Variants in PPARGC1A observed in about 807,000 individuals in gnomAD.
The protein encoded by PPARGC1A is peroxisome proliferator-activated receptor gamma coactivator 1-alpha.
PPARGC1A carries 25 observed loss-of-function variants against 88.7 expected under a neutral mutation model. That is an observed-to-expected ratio of 0.28 (90% confidence interval 0.21 to 0.39). The LOEUF (loss-of-function observed/expected upper bound fraction) is 0.39, where lower values mean the gene tolerates loss of function less well. Ranked by LOEUF, PPARGC1A falls within the 10% of genes least tolerant of loss-of-function variation. The pLI is 1.00. For synonymous variants in PPARGC1A, 363 were observed against 355.6 expected, an observed-to-expected ratio of 1.02 and a Z score of -0.24; for missense variants, 880 against 968.7, an observed-to-expected ratio of 0.91 and a Z score of 1.22.
chr4:24,246,599 C>T, the PPARGC1A span, among the ~76,000 whole-genome samples: 3 of 152,162 alleles, frequency 2.0e-5, no homozygotes, highest in Non-Finnish European at 4.4e-5. Flanking sequence ...CTGCGTGACA[C>T]AGCCAGACCC....
At chr4:24,470,115 A>T in the PPARGC1A span, among the ~76,000 whole-genome samples, 2 of 151,864 alleles carry the variant, frequency 1.3e-5, no homozygotes, top group African/African-American at 4.8e-5. The surrounding 1 kb of genome is among the most constrained non-coding windows in gnomAD (Gnocchi z 5.8). Flanking sequence ...GCGCCTGGAA[A>T]CTTGTCCTAA....
chr4:24,247,551 A>G, the PPARGC1A span, among the ~76,000 whole-genome samples: 1 of 152,228 alleles, frequency 6.6e-6, no homozygotes, highest in African/African-American at 2.4e-5. Flanking sequence ...AAAGAGCAGC[A>G]TAATTTACGC....
chr4:24,389,205 T>G, the PPARGC1A span, among the ~76,000 whole-genome samples: 1 of 152,200 alleles, frequency 6.6e-6, no homozygotes, highest in Admixed American at 6.5e-5. Flanking sequence ...GAGGTAGAGT[T>G]GGATCAGTCT....
the PPARGC1A span, among the ~76,000 whole-genome samples, chr4:24,008,346 C>CT: frequency 2.0e-5 from 3 of 152,122 alleles, no homozygotes; most frequent in South Asian, 2.1e-4. Flanking sequence ...TCCTTAGGAG[C>CT]TTTTTTTCCC....
the PPARGC1A span, among the ~76,000 whole-genome samples, chr4:24,128,223 C>T: frequency 6.6e-6 from 1 of 152,134 alleles, no homozygotes; most frequent in African/African-American, 2.4e-5. Flanking sequence ...TTACCACTCA[C>T]CAGCTCTGGG....
At chr4:24,132,505 T>A in the PPARGC1A span, among the ~76,000 whole-genome samples, 6 of 152,140 alleles carry the variant, frequency 3.9e-5, no homozygotes, top group Non-Finnish European at 7.4e-5. Flanking sequence ...CACCATCACA[T>A]TGTTTAGTCA....
the PPARGC1A span, among the ~76,000 whole-genome samples, chr4:24,085,820 A>G: frequency 1.3e-5 from 2 of 152,116 alleles, no homozygotes; most frequent in African/African-American, 4.8e-5. Context: ...ACATAATCCT[A>G]TAAGCTCTGG....
chr4:23,994,348 G>A, the PPARGC1A span, among the ~76,000 whole-genome samples: 1 of 152,156 alleles, frequency 6.6e-6, no homozygotes, highest in East Asian at 1.9e-4. Context: ...GTATCAGTAA[G>A]AAGGAACTAC....
At chr4:23,820,342 A>T (rs1722784747) in intron 7 of PPARGC1A, 1 of 153,416 alleles carries the variant, frequency 6.5e-6, no homozygotes, top group Non-Finnish European at 1.5e-5. Context: ...TCAGTTATAA[A>T]ATAGTTCTAC....
chr4:23,988,734 T>C, the PPARGC1A span, among the ~76,000 whole-genome samples: 1 of 151,228 alleles, frequency 6.6e-6, no homozygotes, highest in African/African-American at 2.4e-5. Flanking sequence ...GTTTATGTGT[T>C]TATATTTGTG....
intron 10 of PPARGC1A, among the ~76,000 whole-genome samples, chr4:23,809,333 G>T (rs1720438527): frequency 1.3e-5 from 2 of 152,180 alleles, no homozygotes; most frequent in South Asian, 4.1e-4. Flanking sequence ...TCATTAAATA[G>T]TTCCATGATG....
chr4:24,225,745 T>C, the PPARGC1A span, among the ~76,000 whole-genome samples: 12 of 151,974 alleles, frequency 7.9e-5, no homozygotes, highest in African/African-American at 2.9e-4. Flanking sequence ...GGAAAGGCTA[T>C]GGGAGGAATA....
At chr4:24,349,180 G>A in the PPARGC1A span, among the ~76,000 whole-genome samples, 12 of 152,170 alleles carry the variant, frequency 7.9e-5, no homozygotes, top group African/African-American at 2.2e-4. Flanking sequence ...CGTGGATACC[G>A]GTGCCTGTTC....
chr4:23,810,163 A>C (rs145089888), intron 10 of PPARGC1A, among the ~76,000 whole-genome samples: 1 of 152,212 alleles, frequency 6.6e-6, no homozygotes, highest in Non-Finnish European at 1.5e-5. Flanking sequence ...TAAGTCCCAA[A>C]TCTTTATTAA....
At chr4:24,467,056 AAGAAAG>A in the PPARGC1A span, among the ~76,000 whole-genome samples, 1 of 144,238 alleles carries the variant, frequency 6.9e-6, no homozygotes, top group South Asian at 2.3e-4. Flanking sequence ...GAGAAAAAGA[AAGAAAG>A]AGAAAGAAAG....
the PPARGC1A span, among the ~76,000 whole-genome samples, chr4:24,320,670 C>G: frequency 6.6e-6 from 1 of 152,130 alleles, no homozygotes; most frequent in African/African-American, 2.4e-5. Context: ...AGCCAGTAAA[C>G]AGGTGTCTCT....
chr4:24,159,500 C>T, the PPARGC1A span, among the ~76,000 whole-genome samples: 13 of 152,024 alleles, frequency 8.6e-5, no homozygotes, highest in Non-Finnish European at 1.5e-4. Context: ...TGAGCCACTG[C>T]GCCCGGCCGA....
chr4:24,472,895 C>T, the PPARGC1A span, among the ~76,000 whole-genome samples: 72 of 144,922 alleles, frequency 5.0e-4, 2 homozygotes, highest in South Asian at 0.014. This position sits in a 1 kb window ranked among gnomAD's most constrained non-coding sequence, Gnocchi z 4.5. Context: ...CGCGAGCGGG[C>T]GGGCGTGTGC....
At chr4:24,186,444 A>G in the PPARGC1A span, among the ~76,000 whole-genome samples, 3 of 152,150 alleles carry the variant, frequency 2.0e-5, no homozygotes, top group African/African-American at 7.2e-5. Context: ...GTTCAAATCC[A>G]TAATGTGCCA....
Sources: gnomAD v4.1 joint callset for allele counts (sites outside exome capture counted in the v4.1 genomes callset) on GRCh38, gnomAD v4.1.1 for gene constraint, Gnocchi (gnomAD v3.1) non-coding constraint, MANE v1.5 for transcripts, NCBI Gene and HGNC (gene_info 2026-07-23, HGNC 2026-07-21) for gene names.